The following PRKCE variants were observed in gnomAD, a reference collection of about 807,000 sequenced individuals.
The protein encoded by PRKCE is protein kinase C epsilon.
In PRKCE, 16 loss-of-function variants were observed where a neutral mutation model predicts 85.4. That is an observed-to-expected ratio of 0.19 (90% CI 0.13 to 0.28). PRKCE has a LOEUF of 0.28. Among genes scored for constraint, PRKCE ranks in the 10% least tolerant of loss-of-function variants. PRKCE has a pLI of 1.00. For missense variants in PRKCE, 573 were observed against 975.2 expected, an observed-to-expected ratio of 0.59 and a Z score of 5.49; for synonymous variants, 388 against 371.5, an observed-to-expected ratio of 1.04 and a Z score of -0.51.
chr2:45,905,773 C>G lies in PRKCE; in HGVS notation c.412+62710C>G, dbSNP rs1368727874. 1.3e-5 allele frequency among the ~76,000 whole-genome samples: 2 copies of G among 152,202 alleles called. No homozygotes were observed. Among genetic ancestry groups the G allele is most frequent in the Non-Finnish European group, 1.5e-5 (1 of 68,040 alleles). The stretch of plus-strand genomic sequence containing the variant: ...GAGACCGGCCCATGCTCTTTATAGT[C>G]CCTGAACACACGTGTTGACCTGAAC... On this transcript the variant is annotated intron_variant, in intron 2 of 14. Transcript: ENST00000306156. The surrounding 1 kb of genome is among the most constrained non-coding windows in gnomAD (Gnocchi z 4.4).
At chr2:45,859,274 A>G (rs780875904) in intron 2 of PRKCE, among the ~76,000 whole-genome samples, 1 of 152,048 alleles carries the variant, frequency 6.6e-6, no homozygotes, top group East Asian at 1.9e-4. Context: ...TTTTCTATTA[A>G]GGACAATAGT....
At position 45,735,607 on chromosome 2, in the gene PRKCE, G is replaced by A. The variant is rs574861493; in HGVS notation, c.348+83159G>A. On this transcript the variant is annotated intron_variant, in intron 1 of 14. Coordinates refer to ENST00000306156, the MANE Select transcript of PRKCE (RefSeq NM_005400.3). Reference sequence around the variant, plus strand: ...CTGGCACAGGCCTGTGTGAGTGTTGGCTCTTAGCAGATTTGTGGAAGGGAA... The same window carrying A: ...CTGGCACAGGCCTGTGTGAGTGTTGACTCTTAGCAGATTTGTGGAAGGGAA... Among the ~76,000 whole-genome samples the A allele has an allele frequency of 1.6e-4, 24 of 152,330 alleles. No homozygotes were observed. The South Asian group carries it at 5.0e-3, about 32-fold the overall frequency.
At chr2:45,818,364 G>T (rs973135975) in intron 1 of PRKCE, among the ~76,000 whole-genome samples, 2 of 152,110 alleles carry the variant, frequency 1.3e-5, no homozygotes, top group Non-Finnish European at 2.9e-5. Flanking sequence ...TTTGAAACTT[G>T]ACTTTCCTCT....
At chr2:45,768,319 T>C (rs750557808) in intron 1 of PRKCE, among the ~76,000 whole-genome samples, 1 of 152,236 alleles carries the variant, frequency 6.6e-6, no homozygotes, top group Non-Finnish European at 1.5e-5. Flanking sequence ...TCTAATTATC[T>C]ACAGAGACAT....
At chr2:45,802,648 C>T (rs186054542) in intron 1 of PRKCE, among the ~76,000 whole-genome samples, 2 of 152,310 alleles carry the variant, frequency 1.3e-5, no homozygotes, top group Non-Finnish European at 2.9e-5. Context: ...GGAAGTCAGT[C>T]ACTTTAGAAT....
intron 1 of PRKCE, among the ~76,000 whole-genome samples, chr2:45,771,012 G>A (rs557636646): frequency 6.6e-6 from 1 of 152,268 alleles, no homozygotes; most frequent in Admixed American, 6.5e-5. Flanking sequence ...AGCTGCTGTA[G>A]TGTTCCCTCC....
At chr2:45,873,905 G>T (rs62127246) in intron 2 of PRKCE, among the ~76,000 whole-genome samples, 21,759 of 152,294 alleles carry the variant, frequency 0.14, 1,871 homozygotes, top group East Asian at 0.35. Context: ...CCAAGGAGGA[G>T]AGATATTTTG....
At chr2:45,796,788 T>G (rs746586319) in intron 1 of PRKCE, among the ~76,000 whole-genome samples, 1 of 152,180 alleles carries the variant, frequency 6.6e-6, no homozygotes, top group African/African-American at 2.4e-5. Flanking sequence ...GAGGTTTTAC[T>G]TTTTGTTTTG....
intron 1 of PRKCE, among the ~76,000 whole-genome samples, chr2:45,667,776 T>G (rs1446474578): frequency 6.6e-6 from 1 of 152,054 alleles, no homozygotes; most frequent in Admixed American, 6.6e-5. Flanking sequence ...TTCCTTGTTA[T>G]TATATATGTT....
chr2:45,946,728 G>A (rs1700268949), intron 2 of PRKCE, among the ~76,000 whole-genome samples: 1 of 152,206 alleles, frequency 6.6e-6, no homozygotes, highest in African/African-American at 2.4e-5. Context: ...TGGGTTAATA[G>A]CTCCCCTGCC....
At chr2:45,985,099 C>T (rs1703205399) in intron 6 of PRKCE, among the ~76,000 whole-genome samples, 1 of 152,152 alleles carries the variant, frequency 6.6e-6, no homozygotes, top group South Asian at 2.1e-4. Context: ...TTTGAAAGAG[C>T]CATGCCAGAA....
At chr2:45,837,857 G>A (rs1376707740) in intron 1 of PRKCE, among the ~76,000 whole-genome samples, 1 of 152,168 alleles carries the variant, frequency 6.6e-6, no homozygotes, top group Non-Finnish European at 1.5e-5. Context: ...GGCACAGAGC[G>A]AGACTCTGTC....
In PRKCE at chr2:45,652,082, CCCACT is replaced by C; in HGVS notation, c.-16_-12del. On this transcript the variant is annotated 5_prime_UTR_variant, in exon 1 of 15. Coordinates refer to ENST00000306156, the MANE Select transcript of PRKCE (RefSeq NM_005400.3). The surrounding 1 kb of genome is among the most constrained non-coding windows in gnomAD (Gnocchi z 7.7). ...CGGGGCAGACGGAGTGACCCCGGCC[CCCACT>C]CCCCGCCCCGACCATGGTAGTGTTC... The C allele has an allele frequency of 6.9e-7, 1 of 1,458,914 alleles. No homozygotes were observed. The highest frequency in any genetic ancestry group is 1.8e-4 in the Middle Eastern group (1 of 5,480). The allele number at this position is 1,458,914 out of a possible 1,614,324, so 90.4% of individuals were successfully genotyped here.
At chr2:45,890,518 T>G (rs1695645401) in intron 2 of PRKCE, among the ~76,000 whole-genome samples, 1 of 152,026 alleles carries the variant, frequency 6.6e-6, no homozygotes, top group Non-Finnish European at 1.5e-5. Flanking sequence ...TAGCTGGTAT[T>G]ACAGGCGCCC....
intron 10 of PRKCE, among the ~76,000 whole-genome samples, chr2:46,074,443 A>G (rs952479855): frequency 5.3e-5 from 8 of 151,060 alleles, no homozygotes; most frequent in African/African-American, 1.5e-4. Context: ...AAAAAAAAAA[A>G]AAAAAGAAAA....
intron 1 of PRKCE, among the ~76,000 whole-genome samples, chr2:45,682,393 T>G (rs1472439796): frequency 6.6e-6 from 1 of 152,210 alleles, no homozygotes; most frequent in East Asian, 1.9e-4. Context: ...GTAGTTTGGT[T>G]CCCAGATAAC....
chr2:45,952,808 G>C (rs1700715002), intron 2 of PRKCE, among the ~76,000 whole-genome samples: 1 of 152,168 alleles, frequency 6.6e-6, no homozygotes, highest in Admixed American at 6.5e-5. Flanking sequence ...AATGTGCTTT[G>C]TTTAGGCTAT....
At chr2:46,048,213 A>G (rs916526874) in intron 10 of PRKCE, among the ~76,000 whole-genome samples, 3 of 151,714 alleles carry the variant, frequency 2.0e-5, no homozygotes, top group Non-Finnish European at 2.9e-5. Flanking sequence ...CTGACTAGCC[A>G]TAGGACCTTA....
intron 2 of PRKCE, among the ~76,000 whole-genome samples, chr2:45,882,763 A>C (rs1254406307): frequency 1.3e-5 from 2 of 152,252 alleles, no homozygotes; most frequent in Non-Finnish European, 2.9e-5. Flanking sequence ...ATCTGATTCC[A>C]CTTGCCCCTT....
Sources: allele counts gnomAD v4.1 joint callset (sites outside exome capture counted in the v4.1 genomes callset), GRCh38; gene constraint gnomAD v4.1.1; non-coding constraint Gnocchi (gnomAD v3.1); transcripts MANE v1.5; gene names NCBI Gene and HGNC (gene_info 2026-07-23, HGNC 2026-07-21).